The following ADAM32 variants were observed in gnomAD, a reference collection of about 807,000 sequenced individuals.
The protein encoded by ADAM32 is disintegrin and metalloproteinase domain-containing protein 32.
In ADAM32, 89 loss-of-function variants were observed where a neutral mutation model predicts 114.9. The observed-to-expected ratio is 0.77, with a 90% CI of 0.65 to 0.92. The LOEUF is 0.92. Ranked by LOEUF, ADAM32 falls within the 40% of genes least tolerant of loss-of-function variation. The probability of loss-of-function intolerance (pLI) is 0.00; values close to 1 mark genes in which losing one functional copy is unlikely to be tolerated. For missense variants in ADAM32, 870 were observed against 932.8 expected (o/e 0.93, Z 0.88); for synonymous variants, 285 against 307.5 (o/e 0.93, Z 0.77).
At chr8:39,143,631 A>G (rs1013460255) in intron 3 of ADAM32, among the ~76,000 whole-genome samples, 1 of 151,926 alleles carries the variant, frequency 6.6e-6, no homozygotes, top group Non-Finnish European at 1.5e-5. Context: ...GTCGACCCCT[A>G]CTGGGAGGTG....
At position 39,274,320 on chromosome 8, in the gene ADAM32, C is replaced by G; in HGVS notation, c.2210C>G (p.Ser737Ter). The stretch of plus-strand genomic sequence containing the variant: ...TTTCAATTTTTTTTTAGATCCAGCT[C>G]AGAAGGCAGCACTCAGACATATGCC... ...STQTYASQSS[S>*]EGSTQTYASQ... Residue 737 changes from serine (S) to a stop codon, truncating the protein, a stop_gained, in exon 21 of 25, where the codon TCA (serine) becomes TGA (stop). Transcript: ENST00000379907. LOFTEE classifies it high-confidence loss of function. 2 of 1,613,204 alleles carry G rather than the reference C, an allele frequency of 1.2e-6. No homozygotes were observed. The highest frequency in any genetic ancestry group is 1.7e-6 in the Non-Finnish European group (2 of 1,179,544).
chr8:39,265,165 T>A lies in ADAM32; in HGVS notation c.2163-5711T>A, dbSNP rs536375572. Among the ~76,000 whole-genome samples, 21 of 152,386 alleles carry A rather than the reference T, an allele frequency of 1.4e-4. No homozygotes were observed. The South Asian group carries it at 4.3e-3, about 32-fold the overall frequency. On this transcript the variant is annotated intron_variant, in intron 19 of 24. Coordinates refer to ENST00000379907, the MANE Select transcript of ADAM32 (RefSeq NM_145004.7). ...CGTAGGTCTCTAGGAACTTGTTTTA[T>A]GAATCCAGGTGTTACACTGTTGGGC...
intron 2 of ADAM32, among the ~76,000 whole-genome samples, chr8:39,121,711 T>C (rs1454272783): frequency 6.6e-6 from 1 of 152,026 alleles, no homozygotes; most frequent in African/African-American, 2.4e-5. Context: ...TTTCAGAGAG[T>C]GGGGCCACCT....
intron 20 of ADAM32, among the ~76,000 whole-genome samples, chr8:39,272,287 C>T (rs1812784021): frequency 6.6e-6 from 1 of 152,058 alleles, no homozygotes; most frequent in South Asian, 2.1e-4. Context: ...TGACTTCTGT[C>T]ACAATCTATA....
At chr8:39,199,705 T>C (rs895430296) in intron 11 of ADAM32, among the ~76,000 whole-genome samples, 9 of 152,098 alleles carry the variant, frequency 5.9e-5, no homozygotes, top group Non-Finnish European at 1.0e-4. Context: ...ATGTGCCATG[T>C]TGGTGTGCTG....
intron 10 of ADAM32, among the ~76,000 whole-genome samples, chr8:39,179,084 A>G (rs1321899054): frequency 6.6e-6 from 1 of 152,060 alleles, no homozygotes; most frequent in East Asian, 1.9e-4. Flanking sequence ...AGCCCTCCTC[A>G]TCGAGACCAC....
chr8:39,130,262 T>A (rs968455544), intron 2 of ADAM32, among the ~76,000 whole-genome samples: 7 of 152,222 alleles, frequency 4.6e-5, no homozygotes, highest in African/African-American at 1.7e-4. Flanking sequence ...ACCTTTTTAT[T>A]TCTTATTTTG....
chr8:39,279,562 G>A (rs573515165), intron 22 of ADAM32, among the ~76,000 whole-genome samples: 22 of 152,262 alleles, frequency 1.4e-4, no homozygotes, highest in African/African-American at 3.4e-4. Context: ...GATTGCAGGC[G>A]TGAGCCACCA....
chr8:39,130,822 T>A, intron 2 of ADAM32: 1 of 454,632 alleles, frequency 2.2e-6, no homozygotes, highest in Non-Finnish European at 4.4e-6. Flanking sequence ...TCATGAAGAA[T>A]ATTAATTATG....
intron 2 of ADAM32, among the ~76,000 whole-genome samples, chr8:39,118,498 A>G (rs558239687): frequency 1.3e-5 from 2 of 152,282 alleles, no homozygotes; most frequent in South Asian, 4.1e-4. Flanking sequence ...TCTTTTAACT[A>G]AAGCCTGTTT....
Position 39,221,721 on chromosome 8 carries a change from A to G in ADAM32, c.1326+19A>G. ...CTGTCAAGTAAGATTTAAGCTTATG[A>G]ACATCTTTCAAATATATAACAAATC... On this transcript the variant is annotated intron_variant, in intron 13 of 24. Coordinates refer to ENST00000379907, the MANE Select transcript of ADAM32 (RefSeq NM_145004.7). The G allele has an allele frequency of 6.4e-7, 1 of 1,567,182 alleles. No individual in the cohort carries two copies. The highest frequency in any genetic ancestry group is 8.8e-7 in the Non-Finnish European group (1 of 1,141,650).
At chr8:39,238,300 A>T (rs1396714850) in intron 16 of ADAM32, among the ~76,000 whole-genome samples, 1 of 152,178 alleles carries the variant, frequency 6.6e-6, no homozygotes, top group Non-Finnish European at 1.5e-5. Flanking sequence ...CAGTAGCTCC[A>T]CTGCGTGGCT....
intron 10 of ADAM32, 40 bp from the exon 11 acceptor site, chr8:39,186,869 G>C (rs765860055): frequency 2.7e-5 from 40 of 1,496,790 alleles, no homozygotes; most frequent in Non-Finnish European, 3.3e-5. Flanking sequence ...ACCCTTTAGA[G>C]AATTATCTTT....
chr8:39,225,499 G>A (rs1809299731), intron 14 of ADAM32, among the ~76,000 whole-genome samples: 1 of 152,160 alleles, frequency 6.6e-6, no homozygotes, highest in African/African-American at 2.4e-5. Context: ...ATCAGTGAGG[G>A]AATGCCCTCA....
chr8:39,206,068 T>C (rs1807812846), intron 11 of ADAM32, among the ~76,000 whole-genome samples: 1 of 152,184 alleles, frequency 6.6e-6, no homozygotes, highest in South Asian at 2.1e-4. Context: ...GTATTTATAG[T>C]ATTAGTTGGA....
chr8:39,261,009 G>A (rs1811988206), intron 19 of ADAM32, among the ~76,000 whole-genome samples: 2 of 151,986 alleles, frequency 1.3e-5, no homozygotes, highest in Admixed American at 6.6e-5. Flanking sequence ...GTAATGTATA[G>A]TGATCAGATC....
intron 19 of ADAM32, among the ~76,000 whole-genome samples, chr8:39,261,354 A>C (rs1379485469): frequency 6.6e-6 from 1 of 152,140 alleles, no homozygotes; most frequent in Non-Finnish European, 1.5e-5. Context: ...TCACTTAACA[A>C]CATACTTCAG....
chr8:39,239,499 A>C (rs1340775317), intron 16 of ADAM32, among the ~76,000 whole-genome samples: 1 of 152,196 alleles, frequency 6.6e-6, no homozygotes, highest in Non-Finnish European at 1.5e-5. Context: ...GGTCTCTAAA[A>C]ACAACAACAC....
chr8:39,157,878 T>C (rs114042056), intron 6 of ADAM32: 48 of 497,754 alleles, frequency 9.6e-5, no homozygotes, highest in African/African-American at 6.8e-4. Context: ...ACTGATATTA[T>C]AGATCTTCTT....
Sources: allele counts gnomAD v4.1 joint callset (sites outside exome capture counted in the v4.1 genomes callset), GRCh38; gene constraint gnomAD v4.1.1; transcripts MANE v1.5; gene names NCBI Gene and HGNC (gene_info 2026-07-23, HGNC 2026-07-21).